Variants in REV1 observed in about 807,000 individuals in gnomAD.
The protein encoded by REV1 is REV1 DNA directed polymerase, also known as translesion synthesis protein REV1.
Under a neutral mutation model 137.4 loss-of-function variants are expected in REV1, and 42 were observed. The observed-to-expected ratio is 0.31, with a 90% CI of 0.24 to 0.40. REV1 has a LOEUF of 0.40. Among genes scored for constraint, REV1 ranks in the 10% least tolerant of loss-of-function variants. The pLI, the probability that REV1 is intolerant of heterozygous loss-of-function variation, is 1.00. For missense variants in REV1, 1,282 were observed against 1,490.1 expected, an observed-to-expected ratio of 0.86 and a Z score of 2.30; for synonymous variants, 524 against 519.2, an observed-to-expected ratio of 1.01 and a Z score of -0.12.
chr2:99,425,836 AGACCACCCT>A (rs1679266973), intron 9 of REV1, among the ~76,000 whole-genome samples: 1 of 151,524 alleles, frequency 6.6e-6, no homozygotes, highest in Non-Finnish European at 1.5e-5. Flanking sequence ...GGGGAGTTCG[AGACCACCCT>A]GACCAGCATG....
chr2:99,451,562 C>T (rs2104973382), intron 3 of REV1: 1 of 1,074,176 alleles, frequency 9.3e-7, no homozygotes, highest in South Asian at 1.3e-5. Flanking sequence ...TTAATCTTAG[C>T]TTTCACACTC....
At chr2:99,452,421 TA>T (rs577767878) in intron 3 of REV1, among the ~76,000 whole-genome samples, 131 of 125,410 alleles carry the variant, frequency 1.0e-3, no homozygotes, top group Non-Finnish European at 1.3e-3. Flanking sequence ...AGAGCCTGTC[TA>T]AAAAAAAAAA....
At chr2:99,404,305 T>C (rs1021778772) in intron 18 of REV1, 139 bp downstream of exon 18, 4 of 691,522 alleles carry the variant, frequency 5.8e-6, no homozygotes, top group Non-Finnish European at 7.4e-6. Flanking sequence ...ACAAGCCCAC[T>C]CTCCCCTCCC....
At chr2:99,475,267 T>C (rs1054972208) in intron 1 of REV1, among the ~76,000 whole-genome samples, 6 of 152,154 alleles carry the variant, frequency 3.9e-5, no homozygotes, top group South Asian at 2.1e-4. Context: ...TTTGTTCCGA[T>C]TGGCTAGCAA....
chr2:99,434,260 A>C (rs1278700912), intron 8 of REV1, 72 bp downstream of exon 8: 1 of 935,808 alleles, frequency 1.1e-6, no homozygotes, highest in Non-Finnish European at 1.6e-6. Context: ...TTCTATTAAC[A>C]ACCATGCCAA....
chr2:99,462,196 A>G (rs1436826149), intron 3 of REV1, among the ~76,000 whole-genome samples: 2 of 152,176 alleles, frequency 1.3e-5, no homozygotes, highest in Non-Finnish European at 2.9e-5. Context: ...TACCAATGAA[A>G]TGGACCTACA....
intron 1 of REV1, among the ~76,000 whole-genome samples, chr2:99,485,653 T>C (rs1687055488): frequency 6.6e-6 from 1 of 152,350 alleles, no homozygotes; most frequent in East Asian, 1.9e-4. Context: ...TAGCATCTTC[T>C]ACAGATTGAA....
At chr2:99,489,186 T>A (rs559501606) in intron 1 of REV1, among the ~76,000 whole-genome samples, 1 of 152,120 alleles carries the variant, frequency 6.6e-6, no homozygotes, top group South Asian at 2.1e-4. Flanking sequence ...GCCCAGCGTA[T>A]TTAGCGAACG....
Position 99,438,901 on chromosome 2 carries a change from T to G in REV1, c.913A>C (p.Ser305Arg), listed in dbSNP as rs868746427. 2 of 1,614,156 alleles carry G rather than the reference T, an allele frequency of 1.2e-6. No homozygotes were observed. Among genetic ancestry groups the G allele is most frequent in the Admixed American group, 3.3e-5 (2 of 60,038 alleles). The change falls in exon 6 of 23, where the codon AGT (serine) becomes CGT (arginine). Residue 305 changes from serine to arginine, a missense_variant. Physicochemically the swap from Ser to Arg is moderately radical, Grantham distance 110. Around this residue, in one of 7 missense-constraint regions of REV1, gnomAD observed 432 missense variants for 438.0 expected, o/e 0.99. Transcript: ENST00000258428. ...TNSFSLSPLH[S>R]NTKINGAHHS... is the part of the protein sequence containing the mutation. ...TGAGCACCATTGATTTTAGTGTTAC[T>G]GTGCAAAGGTGATAATGAGAAAGAA...
At chr2:99,485,014 T>G (rs78971797) in intron 1 of REV1, among the ~76,000 whole-genome samples, 1,999 of 152,284 alleles carry the variant, frequency 0.013, 44 homozygotes, top group African/African-American at 0.046. Flanking sequence ...TAACTCACAA[T>G]TATTAAATTT....
Position 99,401,443 on chromosome 2 carries a change from C to G in REV1, c.3645-91G>C, listed in dbSNP as rs113809724. ...TTTTATATATAAAAATTGACTTTGG[C>G]AAAAAAAAAAAAAAGTCCTGGCCAG... On this transcript the variant is annotated intron_variant, in intron 22 of 22. Coordinates refer to ENST00000258428, the MANE Select transcript of REV1 (RefSeq NM_016316.4). 1.8e-6 allele frequency: 1 copy of G among 568,034 alleles called. No individual in the cohort carries two copies. 35.2% of individuals were successfully genotyped at this position (568,034 alleles called of 1,614,324 possible). A position where few individuals can be genotyped will look rare whatever the true frequency, so the allele number is the denominator to read the frequency against.
At chr2:99,480,381 C>A (rs1329423689) in intron 1 of REV1, among the ~76,000 whole-genome samples, 5 of 152,166 alleles carry the variant, frequency 3.3e-5, no homozygotes, top group Non-Finnish European at 5.9e-5. Flanking sequence ...TATGTAGGAA[C>A]ATGGCCAGAT....
intron 8 of REV1, 23 bp from the exon 9 acceptor site, chr2:99,429,971 A>T (rs1302936290): frequency 1.4e-6 from 2 of 1,408,506 alleles, no homozygotes; most frequent in Admixed American, 4.3e-5. Flanking sequence ...AAAAAAATTA[A>T]TGGTTATATG....
At chr2:99,411,877 G>T (rs973324924) in intron 13 of REV1, among the ~76,000 whole-genome samples, 10 of 152,068 alleles carry the variant, frequency 6.6e-5, no homozygotes, top group African/African-American at 2.2e-4. Flanking sequence ...TGTAGGCACA[G>T]AGGGTAATTA....
At chr2:99,461,589 C>T (rs1480571549) in intron 3 of REV1, among the ~76,000 whole-genome samples, 2 of 152,156 alleles carry the variant, frequency 1.3e-5, no homozygotes, top group Admixed American at 1.3e-4. Context: ...CAAATATTTA[C>T]AGCCATTCAC....
chr2:99,476,086 T>G (rs780522577), intron 1 of REV1, among the ~76,000 whole-genome samples: 1 of 152,224 alleles, frequency 6.6e-6, no homozygotes, highest in African/African-American at 2.4e-5. Flanking sequence ...TTTACGTAAC[T>G]TTTTCTATGC....
intron 1 of REV1, among the ~76,000 whole-genome samples, chr2:99,482,197 T>C (rs1173225457): frequency 2.0e-5 from 3 of 152,232 alleles, no homozygotes; most frequent in Non-Finnish European, 2.9e-5. Flanking sequence ...CCAGATGCTG[T>C]AGAGTAAGTG....
chr2:99,488,626 C>G (rs1687344213), intron 1 of REV1, among the ~76,000 whole-genome samples: 1 of 152,184 alleles, frequency 6.6e-6, no homozygotes, highest in East Asian at 1.9e-4. Flanking sequence ...TACAGGAAGG[C>G]AGGGAACAAT....
At chr2:99,441,530 A>G (rs1440921197) in intron 5 of REV1, among the ~76,000 whole-genome samples, 1 of 152,086 alleles carries the variant, frequency 6.6e-6, no homozygotes, top group Non-Finnish European at 1.5e-5. Context: ...ACCAAGGGTC[A>G]CCAACTAAAC....
Sources: allele counts gnomAD v4.1 joint callset (sites outside exome capture counted in the v4.1 genomes callset), GRCh38; gene constraint gnomAD v4.1.1; regional missense constraint gnomAD v4.1.1; transcripts MANE v1.5; gene names NCBI Gene and HGNC (gene_info 2026-07-23, HGNC 2026-07-21).